The following C8orf34 variants were observed in gnomAD, a reference collection of about 807,000 sequenced individuals.
C8orf34 encodes the protein chromosome 8 open reading frame 34, also known as uncharacterized protein C8orf34.
Under a neutral mutation model 68.3 loss-of-function variants are expected in C8orf34, and 65 were observed. The observed-to-expected ratio is 0.95, with a 90% CI of 0.78 to 1.17. The LOEUF (loss-of-function observed/expected upper bound fraction) is 1.17, where lower values mean the gene tolerates loss of function less well. Ranked by LOEUF, C8orf34 falls within the 50% of genes most tolerant of loss-of-function variation. The pLI is 0.00. For missense variants in C8orf34, 664 were observed against 655.4 expected, an observed-to-expected ratio of 1.01 and a Z score of -0.14; for synonymous variants, 244 against 241.2, an observed-to-expected ratio of 1.01 and a Z score of -0.11.
chr8:68,738,272 T>C (rs1322719272), intron 10 of C8orf34, among the ~76,000 whole-genome samples: 1 of 151,938 alleles, frequency 6.6e-6, no homozygotes, highest in Admixed American at 6.6e-5. Context: ...GATAAAATGT[T>C]CCAGAATTTC....
intron 1 of C8orf34, among the ~76,000 whole-genome samples, chr8:68,377,653 T>G (rs1807860800): frequency 6.6e-6 from 1 of 152,164 alleles, no homozygotes; most frequent in Non-Finnish European, 1.5e-5. Context: ...CTTTTTTGGG[T>G]AAAGCAATTT....
At chr8:68,667,117 A>G (rs1382143692) in intron 8 of C8orf34, among the ~76,000 whole-genome samples, 1 of 152,202 alleles carries the variant, frequency 6.6e-6, no homozygotes, top group East Asian at 1.9e-4. Context: ...TTGCAAATAA[A>G]GAAAATTAAA....
intron 5 of C8orf34, among the ~76,000 whole-genome samples, chr8:68,515,446 G>A (rs181815539): frequency 5.6e-4 from 85 of 151,400 alleles, no homozygotes; most frequent in Non-Finnish European, 7.7e-4. Context: ...ATACAAATCA[G>A]CAAGATTGGC....
At chr8:68,551,010 T>C (rs58042577) in intron 7 of C8orf34, among the ~76,000 whole-genome samples, 30,545 of 151,562 alleles carry the variant, frequency 0.2, 4,087 homozygotes, top group African/African-American at 0.38. Context: ...ATTTTCCTAC[T>C]TAATGTTCTC....
chr8:68,725,470 T>C (rs1261339059), intron 10 of C8orf34, among the ~76,000 whole-genome samples: 1 of 152,228 alleles, frequency 6.6e-6, no homozygotes, highest in Non-Finnish European at 1.5e-5. Flanking sequence ...TTTTGGTATA[T>C]TATCCTCCTG....
intron 3 of C8orf34, among the ~76,000 whole-genome samples, chr8:68,455,730 AT>A (rs1013825175): frequency 1.1e-4 from 17 of 152,144 alleles, no homozygotes; most frequent in Non-Finnish European, 2.1e-4. Context: ...ACAAATTTAC[AT>A]CTATTTCTTA....
intron 4 of C8orf34, among the ~76,000 whole-genome samples, chr8:68,472,794 A>G (rs189918857): frequency 1.3e-4 from 20 of 152,308 alleles, no homozygotes; most frequent in Admixed American, 1.1e-3. Context: ...TGTATTCCAT[A>G]TAAAAAATTT....
chr8:68,742,174 AG>A (rs1457051339), intron 10 of C8orf34, among the ~76,000 whole-genome samples: 1 of 152,208 alleles, frequency 6.6e-6, no homozygotes, highest in Non-Finnish European at 1.5e-5. Flanking sequence ...TAAGAACTCC[AG>A]GCCCTAAGCC....
chr8:68,480,509 G>T (rs1406573045), intron 4 of C8orf34, among the ~76,000 whole-genome samples: 2 of 152,166 alleles, frequency 1.3e-5, no homozygotes, highest in African/African-American at 4.8e-5. Context: ...CGTAGAGGTT[G>T]GAACAATTTG....
chr8:68,392,181 A>T (rs548413995), intron 1 of C8orf34, among the ~76,000 whole-genome samples: 7 of 151,644 alleles, frequency 4.6e-5, no homozygotes, highest in Admixed American at 3.9e-4. Context: ...TCTTTTTATA[A>T]TTTTTTTTCA....
chr8:68,662,876 G>A (rs1368328117), intron 8 of C8orf34, among the ~76,000 whole-genome samples: 1 of 152,124 alleles, frequency 6.6e-6, no homozygotes, highest in Non-Finnish European at 1.5e-5. Context: ...ACCATACTTT[G>A]GAGTACCATT....
At chr8:68,432,417 C>T (rs1309910091) in intron 1 of C8orf34, among the ~76,000 whole-genome samples, 2 of 151,846 alleles carry the variant, frequency 1.3e-5, no homozygotes, top group Non-Finnish European at 2.9e-5. Context: ...TTCAAGTGAT[C>T]TTCCTGCCTC....
chr8:68,761,020 T>C (rs4484685), intron 10 of C8orf34, among the ~76,000 whole-genome samples: 45,696 of 152,006 alleles, frequency 0.3, 7,576 homozygotes, highest in African/African-American at 0.44. Flanking sequence ...ATATTGAGAG[T>C]AGCAGTACAT....
intron 1 of C8orf34, among the ~76,000 whole-genome samples, chr8:68,436,393 C>T (rs2129625387): frequency 6.6e-6 from 1 of 152,230 alleles, no homozygotes; most frequent in Admixed American, 6.5e-5. Flanking sequence ...TTGTATGTCC[C>T]AGTTTAACTA....
At chr8:68,461,563 G>C (rs1811827367) in intron 3 of C8orf34, among the ~76,000 whole-genome samples, 1 of 152,200 alleles carries the variant, frequency 6.6e-6, no homozygotes, top group African/African-American at 2.4e-5. Flanking sequence ...TACCCTCAAA[G>C]GGGAGCCCAT....
chr8:68,337,756 G>C (rs901758158), intron 1 of C8orf34, among the ~76,000 whole-genome samples: 7 of 152,126 alleles, frequency 4.6e-5, no homozygotes, highest in Non-Finnish European at 8.8e-5. Flanking sequence ...TTTCATCAAT[G>C]TTTATACGAG....
At chr8:68,355,838 C>T (rs1224010429) in intron 1 of C8orf34, among the ~76,000 whole-genome samples, 1 of 152,116 alleles carries the variant, frequency 6.6e-6, no homozygotes, top group Non-Finnish European at 1.5e-5. Flanking sequence ...GAAAACAATC[C>T]AGAATATGTC....
At chr8:68,525,627 G>A (rs944443276) in intron 6 of C8orf34, 6 of 757,832 alleles carry the variant, frequency 7.9e-6, no homozygotes, top group Non-Finnish European at 1.4e-5. Flanking sequence ...TGGTCAGATG[G>A]GAGCAGATTA....
At chr8:68,778,189 C>A (rs1253497913) in intron 11 of C8orf34, among the ~76,000 whole-genome samples, 1 of 152,098 alleles carries the variant, frequency 6.6e-6, no homozygotes, top group Non-Finnish European at 1.5e-5. Flanking sequence ...AAATGATAGT[C>A]TTTTGTCTTT....
Sources: gnomAD v4.1 joint callset for allele counts (sites outside exome capture counted in the v4.1 genomes callset) on GRCh38, gnomAD v4.1.1 for gene constraint, MANE v1.5 for transcripts, NCBI Gene and HGNC (gene_info 2026-07-23, HGNC 2026-07-21) for gene names.